The following ATP10D variants were observed in gnomAD, a reference collection of about 807,000 sequenced individuals.
ATP10D encodes the protein phospholipid-transporting ATPase VD.
Under a neutral mutation model 144.8 loss-of-function variants are expected in ATP10D, and 89 were observed. The ratio of observed to expected loss-of-function variants is 0.61; its 90% CI spans 0.52 to 0.73. The LOEUF is 0.73. ATP10D is among the 30% of genes least tolerant of loss of function. ATP10D has a pLI of 0.00. For missense variants in ATP10D, 1,603 were observed against 1,714.8 expected (o/e 0.93, Z 1.15); for synonymous variants, 571 against 615.1 (o/e 0.93, Z 1.06).
chr4:47,505,922 G>A (rs1171759908), intron 1 of ATP10D, among the ~76,000 whole-genome samples: 1 of 152,024 alleles, frequency 6.6e-6, no homozygotes, highest in African/African-American at 2.4e-5. Context: ...ATTTAAAAAT[G>A]CTAACTGAGC....
At chr4:47,545,248 T>C in intron 9 of ATP10D, among the ~76,000 whole-genome samples, 1 of 152,220 alleles carries the variant, frequency 6.6e-6, no homozygotes, top group South Asian at 2.1e-4. Flanking sequence ...TTAGTGGGCA[T>C]GTAGAAAGAG....
At position 47,591,033 on chromosome 4, in the gene ATP10D, G is replaced by T; in HGVS notation, c.3942-9G>T. 2 of 1,517,728 alleles carry T rather than the reference G, an allele frequency of 1.3e-6. No homozygotes were observed. Among genetic ancestry groups the T allele is most frequent in the Non-Finnish European group, 1.8e-6 (2 of 1,124,038 alleles). 94.0% of individuals were successfully genotyped at this position (1,517,728 alleles called of 1,614,324 possible). A position where few individuals can be genotyped will look rare whatever the true frequency, so the allele number is the denominator to read the frequency against. ...GAATTTAATTCTAATGATGTTCCTT[G>T]TCACCTAGGTTTGTATACAGAGTTC... On this transcript the variant is annotated splice_polypyrimidine_tract_variant and intron_variant, in intron 22 of 22. Transcript: ENST00000273859.
At chr4:47,563,086 G>A (rs921193279) in intron 14 of ATP10D, among the ~76,000 whole-genome samples, 4 of 152,088 alleles carry the variant, frequency 2.6e-5, no homozygotes, top group Admixed American at 1.3e-4. Flanking sequence ...AGGATAGGTC[G>A]GGGAGCAAGG....
At chr4:47,551,000 C>G (rs185818006) in intron 10 of ATP10D, among the ~76,000 whole-genome samples, 35 of 152,372 alleles carry the variant, frequency 2.3e-4, no homozygotes, top group African/African-American at 8.4e-4. Flanking sequence ...GTTGCCGGCT[C>G]CAATGCCTGG....
In ATP10D at chr4:47,528,505, G is replaced by A. The variant is rs1374499374; in HGVS notation, c.776+2863G>A. Among the ~76,000 whole-genome samples the A allele has an allele frequency of 4.1e-3, 108 of 26,090 alleles. 1 individual carries two copies. The highest frequency in any genetic ancestry group is 0.013 in the African/African-American group (93 of 7,040). The allele number at this position is 26,090 out of a possible 152,430, so 17.1% of individuals were successfully genotyped here. A position where few individuals can be genotyped will look rare whatever the true frequency, so the allele number is the denominator to read the frequency against. ...TGTGTGTGTGTGTGTGTGTGTGTGT[G>A]TGTGTGTGTATATATATATATATAC... On this transcript the variant is annotated intron_variant, in intron 5 of 22. Transcript: ENST00000273859.
intron 5 of ATP10D, among the ~76,000 whole-genome samples, chr4:47,533,549 A>G (rs1717677652): frequency 6.6e-6 from 1 of 152,192 alleles, no homozygotes; most frequent in Non-Finnish European, 1.5e-5. Context: ...TTATATATGT[A>G]AGGAACAAGC....
chr4:47,572,843 A>AT, intron 17 of ATP10D, 29 bp from the exon 18 acceptor site: 1 of 1,613,912 alleles, frequency 6.2e-7, no homozygotes, highest in African/African-American at 1.3e-5. Context: ...ATCACTCAGG[A>AT]TGGCATTCTC....
chr4:47,569,673 C>A, intron 16 of ATP10D, among the ~76,000 whole-genome samples: 1 of 152,060 alleles, frequency 6.6e-6, no homozygotes, highest in African/African-American at 2.4e-5. Flanking sequence ...TGTAAGGTAT[C>A]AGGTAGTGAT....
intron 3 of ATP10D, 30 bp from the exon 4 acceptor site, chr4:47,522,980 CTT>C (rs538424254): frequency 1.8e-4 from 251 of 1,378,934 alleles, no homozygotes; most frequent in Non-Finnish European, 2.0e-4. Flanking sequence ...ACTTGATATT[CTT>C]TTTTTTTTTT....
At position 47,512,155 on chromosome 4, in the gene ATP10D, A is replaced by C. The variant is rs371929231; in HGVS notation, c.-37-349A>C. Among the ~76,000 whole-genome samples the C allele has an allele frequency of 1.7e-4, 26 of 152,330 alleles. 3 individuals are homozygous for C. In the South Asian group the frequency reaches 1.9e-3, roughly 11 times the overall value. ...CTGTTATTCATTTAGTCCTCAAAAC[A>C]ATTTCCTGACATGCCTGGCATTATG... On this transcript the variant is annotated intron_variant, in intron 1 of 22. Coordinates refer to ENST00000273859, the MANE Select transcript of ATP10D (RefSeq NM_020453.4).
At chr4:47,501,252 G>A (rs1019983207) in intron 1 of ATP10D, among the ~76,000 whole-genome samples, 8 of 152,098 alleles carry the variant, frequency 5.3e-5, no homozygotes, top group African/African-American at 1.9e-4. Flanking sequence ...TATTGGAGTT[G>A]GGTTAAAAGT....
At chr4:47,583,383 A>C (rs1720625076) in intron 21 of ATP10D, 1 of 152,234 alleles carries the variant, frequency 6.6e-6, no homozygotes, top group Non-Finnish European at 1.5e-5. Flanking sequence ...AAATAGCTGA[A>C]TAAGGTTATA....
intron 1 of ATP10D, among the ~76,000 whole-genome samples, chr4:47,504,531 G>T (rs1715910823): frequency 6.6e-6 from 1 of 152,098 alleles, no homozygotes; most frequent in Admixed American, 6.6e-5. Flanking sequence ...CTTCAGGCAG[G>T]GCTGGCTACC....
Position 47,557,884 on chromosome 4 carries a change from G to A in ATP10D, c.2045G>A (p.Ser682Asn), listed in dbSNP as rs149296162. The change falls in exon 12 of 23, where the codon AGC (serine) becomes AAC (asparagine). Residue 682 changes from serine to asparagine, a missense_variant. By Grantham distance (46) the Ser-to-Asn change is conservative. Transcript: ENST00000273859. ...GAAGAGGTCTCCCAGGTGTGTGAGA[G>A]CCCCCAGTGCTCCAGTAGCTCAGCT... is the stretch of plus-strand genomic sequence containing the variant. ...VEEEVSQVCESPQCSSSSACC... is the reference protein window; with the variant it reads ...VEEEVSQVCENPQCSSSSACC... The A allele has an allele frequency of 1.9e-6, 3 of 1,614,060 alleles. No individual in the cohort carries two copies. The highest frequency in any genetic ancestry group is 2.7e-5 in the African/African-American group (2 of 74,920).
At position 47,507,614 on chromosome 4, in the gene ATP10D, A is replaced by G. The variant is rs531206857; in HGVS notation, c.-37-4890A>G. ...ATGCAAAAGGAAATGGGATGTCTTT[A>G]TGTTCTTTTCTATAAAATTCAGTGA... is the stretch of plus-strand genomic sequence containing the variant. On this transcript the variant is annotated intron_variant, in intron 1 of 22. Transcript: ENST00000273859. 2.0e-5 allele frequency among the ~76,000 whole-genome samples: 3 copies of G among 152,334 alleles called. No homozygotes were observed. The East Asian group carries it at 5.8e-4, about 29-fold the overall frequency.
intron 5 of ATP10D, among the ~76,000 whole-genome samples, chr4:47,530,271 T>C (rs1309614052): frequency 1.3e-5 from 2 of 152,132 alleles, no homozygotes; most frequent in Non-Finnish European, 2.9e-5. Context: ...CCTTTTTTTA[T>C]GATATTGGCT....
At chr4:47,519,968 A>C (rs1716863537) in intron 3 of ATP10D, among the ~76,000 whole-genome samples, 1 of 152,186 alleles carries the variant, frequency 6.6e-6, no homozygotes, top group African/African-American at 2.4e-5. Flanking sequence ...AAAATTAGCT[A>C]GTGTTTTGTT....
intron 21 of ATP10D, among the ~76,000 whole-genome samples, chr4:47,585,125 CAA>C (rs1365503119): frequency 6.6e-6 from 1 of 152,050 alleles, no homozygotes; most frequent in Non-Finnish European, 1.5e-5. Context: ...CCGATTATAT[CAA>C]AGAGGTATCT....
intron 1 of ATP10D, among the ~76,000 whole-genome samples, chr4:47,496,762 G>A (rs922246498): frequency 6.6e-6 from 1 of 151,696 alleles, no homozygotes; most frequent in African/African-American, 2.4e-5. Flanking sequence ...GTTTGTTCAG[G>A]CTTTTTTTCC....
Sources: allele counts gnomAD v4.1 joint callset (sites outside exome capture counted in the v4.1 genomes callset), GRCh38; gene constraint gnomAD v4.1.1; transcripts MANE v1.5; gene names NCBI Gene and HGNC (gene_info 2026-07-23, HGNC 2026-07-21).